The following HORMAD2 variants were observed in gnomAD, a reference collection of about 807,000 sequenced individuals.
HORMAD2 encodes HORMA domain-containing protein 2.
In HORMAD2, 45 loss-of-function variants were observed where a neutral mutation model predicts 38.8. The ratio of observed to expected loss-of-function variants is 1.16; its 90% CI spans 0.91 to 1.49. The LOEUF (loss-of-function observed/expected upper bound fraction) is 1.49, where lower values mean the gene tolerates loss of function less well. Among genes scored for constraint, HORMAD2 ranks in the 40% most tolerant of loss-of-function variants. The pLI is 0.00. For missense variants in HORMAD2, 338 were observed against 367.0 expected, an observed-to-expected ratio of 0.92 and a Z score of 0.65; for synonymous variants, 126 against 122.8, an observed-to-expected ratio of 1.03 and a Z score of -0.17.
the HORMAD2 span, among the ~76,000 whole-genome samples, chr22:30,204,923 A>G: frequency 5.3e-5 from 8 of 152,204 alleles, no homozygotes; most frequent in Admixed American, 5.2e-4. Flanking sequence ...CGCCTGAGGG[A>G]GCTGGAGCAG....
chr22:30,142,000 A>G (rs1924111762), intron 10 of HORMAD2, among the ~76,000 whole-genome samples: 1 of 152,166 alleles, frequency 6.6e-6, no homozygotes, highest in African/African-American at 2.4e-5. Flanking sequence ...CTGTAATCCT[A>G]GCACTTTGAG....
At chr22:30,096,529 G>A (rs1246420889) in intron 2 of HORMAD2, among the ~76,000 whole-genome samples, 1 of 151,050 alleles carries the variant, frequency 6.6e-6, no homozygotes, top group Non-Finnish European at 1.5e-5. Flanking sequence ...CTGGAGTGGT[G>A]CAACCTTGGC....
chr22:30,201,413 T>C, the HORMAD2 span, among the ~76,000 whole-genome samples: 2 of 105,522 alleles, frequency 1.9e-5, no homozygotes, highest in Admixed American at 1.0e-4. Context: ...GAGTTAAGAC[T>C]TTTTTTTTTT....
At chr22:30,096,688 T>G (rs992107891) in intron 2 of HORMAD2, among the ~76,000 whole-genome samples, 2 of 152,038 alleles carry the variant, frequency 1.3e-5, no homozygotes, top group African/African-American at 4.8e-5. Context: ...AGGCTGGTCT[T>G]GAACTCCTGA....
At chr22:30,127,656 T>G (rs1922982784) in intron 10 of HORMAD2, among the ~76,000 whole-genome samples, 1 of 152,236 alleles carries the variant, frequency 6.6e-6, no homozygotes, top group Non-Finnish European at 1.5e-5. Flanking sequence ...CTTTGTCTTT[T>G]TCTATTTCTC....
At chr22:30,173,143 A>C (rs1926221694) in intron 10 of HORMAD2, among the ~76,000 whole-genome samples, 1 of 152,194 alleles carries the variant, frequency 6.6e-6, no homozygotes, top group Non-Finnish European at 1.5e-5. Flanking sequence ...GGCCCATTAG[A>C]ACTGCAAGTG....
rs768009116 is a variant in HORMAD2 at position 30,081,416 on chromosome 22, G to A, written c.-38+925G>A. On this transcript the variant is annotated intron_variant, in intron 1 of 10. Transcript: ENST00000336726. Reference sequence around the variant, plus strand: ...CAAATACTCAATTAATATAGTGGAAGCCATTTTCTCTGAATGAGCACAGGT... The same window carrying A: ...CAAATACTCAATTAATATAGTGGAAACCATTTTCTCTGAATGAGCACAGGT... 5.9e-5 allele frequency among the ~76,000 whole-genome samples: 9 copies of A among 152,284 alleles called. No individual in the cohort carries two copies. The South Asian group carries it at 1.7e-3, about 28-fold the overall frequency.
chr22:30,091,967 C>T (rs2068695859), intron 1 of HORMAD2, among the ~76,000 whole-genome samples: 1 of 152,078 alleles, frequency 6.6e-6, no homozygotes, highest in Non-Finnish European at 1.5e-5. Context: ...ACCTCCACCT[C>T]CCCGGTTCAA....
chr22:30,079,049 G>T (rs1473441973), upstream of HORMAD2, among the ~76,000 whole-genome samples: 1 of 152,120 alleles, frequency 6.6e-6, no homozygotes, highest in Non-Finnish European at 1.5e-5. Flanking sequence ...TGCACTAAAA[G>T]AATATTTCAG....
At chr22:30,122,376 C>G (rs1434173586) in intron 10 of HORMAD2, among the ~76,000 whole-genome samples, 162 bp downstream of exon 10, 2 of 151,956 alleles carry the variant, frequency 1.3e-5, no homozygotes, top group African/African-American at 2.4e-5. Flanking sequence ...GTTTAATCTT[C>G]TAAAAGGAAA....
intron 10 of HORMAD2, among the ~76,000 whole-genome samples, chr22:30,134,936 A>G (rs1181496263): frequency 1.3e-5 from 2 of 152,176 alleles, no homozygotes; most frequent in Non-Finnish European, 2.9e-5. Flanking sequence ...AAGGCTGTGT[A>G]TATTTGTGAA....
intron 10 of HORMAD2, among the ~76,000 whole-genome samples, chr22:30,133,014 G>C (rs1428111285): frequency 6.6e-6 from 1 of 151,990 alleles, no homozygotes; most frequent in Non-Finnish European, 1.5e-5. Flanking sequence ...TATTCTGTTT[G>C]GTTAAAAAAG....
intron 10 of HORMAD2, among the ~76,000 whole-genome samples, chr22:30,161,724 A>T (rs1277088233): frequency 6.6e-6 from 1 of 152,048 alleles, no homozygotes; most frequent in Non-Finnish European, 1.5e-5. Context: ...TATTTTTTTA[A>T]ATGTTCTTTT....
At chr22:30,187,658 T>C in the HORMAD2 span, among the ~76,000 whole-genome samples, 1 of 152,134 alleles carries the variant, frequency 6.6e-6, no homozygotes, top group Non-Finnish European at 1.5e-5. Context: ...CCAGCTAAGT[T>C]TGGAAGCACT....
chr22:30,083,150 C>T (rs2068514589), intron 1 of HORMAD2, among the ~76,000 whole-genome samples: 1 of 151,668 alleles, frequency 6.6e-6, no homozygotes, highest in African/African-American at 2.4e-5. Context: ...GCCTCTAGTA[C>T]TAGCTACTTA....
chr22:30,084,054 T>C (rs990973359), intron 1 of HORMAD2, among the ~76,000 whole-genome samples: 3 of 152,242 alleles, frequency 2.0e-5, no homozygotes, highest in Middle Eastern at 3.2e-3. Flanking sequence ...ACTGAGTGGC[T>C]GACTAATCCC....
the HORMAD2 span, chr22:30,207,158 C>T: frequency 6.5e-6 from 3 of 462,144 alleles, no homozygotes; most frequent in Non-Finnish European, 1.4e-5. Context: ...CTCCCGCCCG[C>T]CCAGGCTGAA....
At chr22:30,138,686 C>A (rs999029121) in intron 10 of HORMAD2, among the ~76,000 whole-genome samples, 4 of 152,022 alleles carry the variant, frequency 2.6e-5, no homozygotes, top group African/African-American at 9.7e-5. Flanking sequence ...TATTCATGAG[C>A]ATTCTTTTCA....
At chr22:30,130,081 T>G (rs1455960847) in intron 10 of HORMAD2, among the ~76,000 whole-genome samples, 2 of 152,170 alleles carry the variant, frequency 1.3e-5, no homozygotes, top group Non-Finnish European at 2.9e-5. Context: ...ATAGAAAGTT[T>G]ATAAATTTTT....
Sources: gnomAD v4.1 joint callset for allele counts (sites outside exome capture counted in the v4.1 genomes callset) on GRCh38, gnomAD v4.1.1 for gene constraint, MANE v1.5 for transcripts, NCBI Gene and HGNC (gene_info 2026-07-23, HGNC 2026-07-21) for gene names.